The following HMGCLL1 variants were observed in gnomAD, a reference collection of about 807,000 sequenced individuals.
HMGCLL1 encodes the protein 3-hydroxy-3-methylglutaryl-CoA lyase like 1, also known as 3-hydroxymethyl-3-methylglutaryl-CoA lyase, cytoplasmic.
HMGCLL1 carries 36 observed loss-of-function variants against 39.1 expected under a neutral mutation model. The ratio of observed to expected loss-of-function variants is 0.92; its 90% confidence interval spans 0.71 to 1.22. The LOEUF (loss-of-function observed/expected upper bound fraction) is 1.22. Ranked by LOEUF, HMGCLL1 falls within the 50% of genes most tolerant of loss-of-function variation. The probability of loss-of-function intolerance (pLI) is 0.00; values close to 1 mark genes in which losing one functional copy is unlikely to be tolerated. For synonymous variants in HMGCLL1, 149 were observed against 144.0 expected (o/e 1.03, Z -0.25); for missense variants, 451 against 416.5 (o/e 1.08, Z -0.72).
chr6:55,532,569 G>A (rs536763786), intron 3 of HMGCLL1, among the ~76,000 whole-genome samples: 80 of 152,104 alleles, frequency 5.3e-4, no homozygotes, highest in Middle Eastern at 3.4e-3. Flanking sequence ...TTGGGAGCCT[G>A]AGGCAGGTGG....
intron 6 of HMGCLL1, among the ~76,000 whole-genome samples, chr6:55,497,322 TAAA>T (rs148604505): frequency 2.7e-5 from 4 of 148,714 alleles, no homozygotes; most frequent in African/African-American, 9.8e-5. Context: ...ACTCTGTTCT[TAAA>T]AAAAAAAGAT....
At chr6:55,471,298 A>T (rs772969275) in intron 7 of HMGCLL1, among the ~76,000 whole-genome samples, 6 of 151,160 alleles carry the variant, frequency 4.0e-5, no homozygotes, top group Non-Finnish European at 5.9e-5. Context: ...ATTTGTGTGA[A>T]TATGGCACAG....
chr6:55,664,588 C>A, the HMGCLL1 span, among the ~76,000 whole-genome samples: 1 of 151,682 alleles, frequency 6.6e-6, no homozygotes, highest in Admixed American at 6.6e-5. Flanking sequence ...ATTTAGCTAT[C>A]TATTACTTTG....
chr6:55,554,964 C>T (rs1770569070), intron 1 of HMGCLL1, among the ~76,000 whole-genome samples: 5 of 152,222 alleles, frequency 3.3e-5, no homozygotes, highest in African/African-American at 1.2e-4. Flanking sequence ...AGCAATCTCT[C>T]TACTTCCACT....
chr6:55,624,671 C>T, the HMGCLL1 span, among the ~76,000 whole-genome samples: 1 of 152,056 alleles, frequency 6.6e-6, no homozygotes. Flanking sequence ...ATTTGCATGC[C>T]AGGGGATGGG....
At chr6:55,523,341 C>T (rs926376522) in intron 3 of HMGCLL1, among the ~76,000 whole-genome samples, 1 of 151,910 alleles carries the variant, frequency 6.6e-6, no homozygotes, top group Non-Finnish European at 1.5e-5. Context: ...GGAAGGACAG[C>T]CTGGGATTTG....
intron 7 of HMGCLL1, chr6:55,439,843 G>C: frequency 3.7e-6 from 1 of 270,418 alleles, no homozygotes; most frequent in South Asian, 1.4e-4. Context: ...CTCAACTGTA[G>C]GTGGTGAAGC....
chr6:55,657,170 G>C, the HMGCLL1 span, among the ~76,000 whole-genome samples: 2 of 151,938 alleles, frequency 1.3e-5, no homozygotes, highest in African/African-American at 4.8e-5. Context: ...TCTGTTCATA[G>C]TTTCTTTTGC....
the HMGCLL1 span, among the ~76,000 whole-genome samples, chr6:55,614,476 TAA>T: frequency 1.3e-5 from 2 of 152,146 alleles, no homozygotes; most frequent in African/African-American, 4.8e-5. Flanking sequence ...GTCTATTGTT[TAA>T]GTCACTGAGT....
intron 7 of HMGCLL1, among the ~76,000 whole-genome samples, chr6:55,444,419 C>G (rs9475292): frequency 0.013 from 1,956 of 152,046 alleles, 32 homozygotes; most frequent in African/African-American, 0.045. Context: ...AAAGACTCAT[C>G]ACAGTATGTT....
the HMGCLL1 span, among the ~76,000 whole-genome samples, chr6:55,591,929 T>C: frequency 1.3e-5 from 2 of 151,972 alleles, no homozygotes; most frequent in South Asian, 2.1e-4. Context: ...AAATCTCCAC[T>C]AAATTTACAC....
intron 3 of HMGCLL1, among the ~76,000 whole-genome samples, chr6:55,529,573 C>T (rs906194415): frequency 6.6e-6 from 1 of 151,928 alleles, no homozygotes; most frequent in Admixed American, 6.6e-5. Context: ...CATATAGATC[C>T]GGAGATCTCC....
At chr6:55,561,424 A>G (rs1770941124) in intron 1 of HMGCLL1, among the ~76,000 whole-genome samples, 1 of 152,136 alleles carries the variant, frequency 6.6e-6, no homozygotes, top group Non-Finnish European at 1.5e-5. Context: ...ATGGACTTTT[A>G]GATCAGTGGT....
chr6:55,552,289 C>T (rs1324279886), intron 1 of HMGCLL1, among the ~76,000 whole-genome samples: 5 of 151,944 alleles, frequency 3.3e-5, no homozygotes, highest in African/African-American at 1.2e-4. Flanking sequence ...CCATTTCAAA[C>T]TCGGGACAGA....
At chr6:55,650,110 T>TATATATATATATACACACATATAC in the HMGCLL1 span, among the ~76,000 whole-genome samples, 145 of 74,482 alleles carry the variant, frequency 1.9e-3, 2 homozygotes, top group Middle Eastern at 5.7e-3. Flanking sequence ...TATATATATA[T>TATATATATATATACACACATATAC]ATATATATAT....
chr6:55,509,291 G>T (rs986958943), intron 5 of HMGCLL1, among the ~76,000 whole-genome samples: 1 of 151,884 alleles, frequency 6.6e-6, no homozygotes, highest in African/African-American at 2.4e-5. Flanking sequence ...TGCTATAAAT[G>T]CAAGTGTTCC....
chr6:55,595,806 A>G, the HMGCLL1 span, among the ~76,000 whole-genome samples: 3 of 152,224 alleles, frequency 2.0e-5, no homozygotes, highest in African/African-American at 2.4e-5. Context: ...AAAATTTTAT[A>G]TACTAGGAAA....
chr6:55,599,121 G>A, the HMGCLL1 span, among the ~76,000 whole-genome samples: 10 of 152,152 alleles, frequency 6.6e-5, no homozygotes, highest in South Asian at 6.2e-4. Context: ...CGGGGGTTGC[G>A]GGGCTAGGGA....
chr6:55,588,989 T>G, the HMGCLL1 span, among the ~76,000 whole-genome samples: 2 of 151,802 alleles, frequency 1.3e-5, no homozygotes, highest in Admixed American at 6.6e-5. Flanking sequence ...AAGGATGAGC[T>G]GTACCATTCC....
Sources: allele counts gnomAD v4.1 joint callset (sites outside exome capture counted in the v4.1 genomes callset), GRCh38; gene constraint gnomAD v4.1.1; transcripts MANE v1.5; gene names NCBI Gene and HGNC (gene_info 2026-07-23, HGNC 2026-07-21).